NIN: variants seen among roughly 807,000 people sequenced by gnomAD.
NIN encodes glycogen synthase kinase 3 beta-interacting protein.
NIN carries 137 observed loss-of-function variants against 257.6 expected under a neutral mutation model. The observed-to-expected ratio is 0.53, with a 90% CI of 0.46 to 0.61. The LOEUF (loss-of-function observed/expected upper bound fraction) is 0.61. Among genes scored for constraint, NIN ranks in the 20% least tolerant of loss-of-function variants. NIN has a pLI of 0.00. For missense variants in NIN, 2,439 were observed against 2,501.2 expected (o/e 0.98, Z 0.53); for synonymous variants, 918 against 919.8 (o/e 1.00, Z 0.04).
In NIN at chr14:50,726,077, G is replaced by C. The variant is rs763710888; in HGVS notation, c.6079-11C>G. 1.3e-6 allele frequency: 2 copies of C among 1,598,258 alleles called. No homozygotes were observed. The highest frequency in any genetic ancestry group is 2.2e-5 in the South Asian group (2 of 90,632). On this transcript the variant is annotated splice_polypyrimidine_tract_variant and intron_variant, in intron 29 of 30. Coordinates refer to ENST00000530997, the MANE Select transcript of NIN (RefSeq NM_020921.4). Reference sequence around the variant, plus strand: ...TTGTTCCTGGTTTCCCTGAAGGGAAGAAAAGTATATTATTCGAAAATCATG... The same window carrying C: ...TTGTTCCTGGTTTCCCTGAAGGGAACAAAAGTATATTATTCGAAAATCATG...
intron 2 of NIN, among the ~76,000 whole-genome samples, chr14:50,828,961 T>C (rs1360471526): frequency 4.0e-5 from 6 of 151,774 alleles, no homozygotes; most frequent in Non-Finnish European, 5.9e-5. Flanking sequence ...CCTTGACATT[T>C]TAATGCAGAC....
rs2042043480 is a variant in NIN, at chr14:50,756,738, A to G, written c.4292T>C (p.Leu1431Pro). 6.4e-7 allele frequency: 1 copy of G among 1,551,512 alleles called. No individual in the cohort carries two copies. The highest frequency in any genetic ancestry group is 2.0e-5 in the Admixed American group (1 of 50,982). ...GCCTAGGAGAGTAGTGTTTTCCTCC[A>G]GTATAACTTGATTCTGTACTCTTGG... ...ERPRVQNQVI[L>P]EENTTLLGFQ... The change falls in exon 18 of 31, where the codon CTG becomes CCG. Residue 1431 changes from leucine to proline, a missense_variant. Physicochemically the swap from Leu to Pro is moderately conservative, Grantham distance 98. Transcript: ENST00000530997.
chr14:50,773,144 G>C (rs766137997), intron 7 of NIN, 49 bp from the exon 8 acceptor site: 2 of 1,496,240 alleles, frequency 1.3e-6, no homozygotes, highest in Non-Finnish European at 1.8e-6. Context: ...AAGTATACAA[G>C]GCCCAAAGTA....
At position 50,758,132 on chromosome 14, in the gene NIN, G is replaced by A. The variant is rs750715455; in HGVS notation, c.2898C>T (p.Ser966=). ...CQAGASEQLA[S]QRLERLEMEH... ...CCATTTCTAGTCTTTCCAGCCGCTG[G>A]CTGGCCAGCTGCTCCGAAGCCCCTG... The change falls in exon 18 of 31, where the codon AGC becomes AGT. Residue 966 remains serine (S), a synonymous_variant. Transcript: ENST00000530997. 1.2e-6 allele frequency: 2 copies of A among 1,614,124 alleles called. No homozygotes were observed. The highest frequency in any genetic ancestry group is 2.2e-5 in the East Asian group (1 of 44,880).
intron 12 of NIN, among the ~76,000 whole-genome samples, chr14:50,769,439 A>C (rs751871838): frequency 1.3e-5 from 2 of 151,992 alleles, no homozygotes; most frequent in Non-Finnish European, 2.9e-5. Flanking sequence ...AGGTGGGAGG[A>C]TCACTTGAGG....
chr14:50,821,810 CCCCCAGCA>C, intron 3 of NIN, 56 bp downstream of exon 3: 7 of 1,359,306 alleles, frequency 5.1e-6, no homozygotes, highest in Non-Finnish European at 7.2e-6. Context: ...GTCCGCCCCA[CCCCCAGCA>C]CCCCGGCAGA....
At chr14:50,748,949 A>G (rs1169214788) in intron 21 of NIN, among the ~76,000 whole-genome samples, 1 of 152,206 alleles carries the variant, frequency 6.6e-6, no homozygotes, top group Admixed American at 6.5e-5. Flanking sequence ...TCACAGAATT[A>G]GAAAAAACTA....
intron 17 of NIN, among the ~76,000 whole-genome samples, chr14:50,759,522 C>G (rs1390544177): frequency 6.7e-6 from 1 of 148,646 alleles, no homozygotes; most frequent in Non-Finnish European, 1.5e-5. Flanking sequence ...GAGACGGAGT[C>G]TCGCTCTGTC....
At chr14:50,819,992 T>C (rs2045122871) in intron 3 of NIN, among the ~76,000 whole-genome samples, 1 of 152,216 alleles carries the variant, frequency 6.6e-6, no homozygotes, top group Non-Finnish European at 1.5e-5. Flanking sequence ...TAGAGTATCT[T>C]AATAGCATAT....
Position 50,719,944 on chromosome 14 carries a change from CAT to C in NIN, c.*3517_*3518del. On this transcript the variant is annotated 3_prime_UTR_variant, in exon 31 of 31. Transcript: ENST00000530997. ...TCATTAATCTTTATCTGAACAGAAA[CAT>C]AGAGATGGCTTTAGATAATCTGTTT... 4.7e-6 allele frequency: 1 copy of C among 213,836 alleles called. No homozygotes were observed. The highest frequency in any genetic ancestry group is 9.5e-6 in the Non-Finnish European group (1 of 105,582). The allele number at this position is 213,836 out of a possible 1,614,324, so 13.2% of individuals were successfully genotyped here. A position where few individuals can be genotyped will look rare whatever the true frequency, so the allele number is the denominator to read the frequency against.
rs561577509 is a variant in NIN, at chr14:50,784,321, C to T, written c.436-5517G>A. Among the ~76,000 whole-genome samples the T allele has an allele frequency of 9.6e-4, 146 of 152,320 alleles. 1 individual carries two copies. Among genetic ancestry groups the T allele is most frequent in the African/African-American group, 3.4e-3 (141 of 41,550 alleles). The stretch of plus-strand genomic sequence containing the variant: ...AAAATGATGTGGTTAGGGGTTTAGA[C>T]TGCAGAACCATACTCGAGTTCAATT... On this transcript the variant is annotated intron_variant, in intron 5 of 30. Transcript: ENST00000530997.
At chr14:50,740,122 C>T (rs948748431) in intron 25 of NIN, among the ~76,000 whole-genome samples, 2 of 145,950 alleles carry the variant, frequency 1.4e-5, no homozygotes, top group African/African-American at 5.0e-5. Context: ...TTAAACCAAA[C>T]ATGAAAAAAA....
intron 2 of NIN, among the ~76,000 whole-genome samples, chr14:50,830,081 A>C (rs916020882): frequency 5.9e-5 from 9 of 152,234 alleles, no homozygotes; most frequent in African/African-American, 2.2e-4. Context: ...CTACTCAGAC[A>C]GCCCAGGCTA....
Position 50,723,558 on chromosome 14 carries a change from T to C in NIN, c.6307A>G (p.Asn2103Asp), listed in dbSNP as rs777084348. The C allele has an allele frequency of 2.4e-5, 39 of 1,613,764 alleles. No individual in the cohort carries two copies. Among genetic ancestry groups the C allele is most frequent in the Non-Finnish European group, 2.7e-5 (32 of 1,179,862 alleles). The change falls in exon 31 of 31, where the codon AAT (asparagine) becomes GAT (aspartate). Residue 2103 changes from asparagine (N) to aspartate (D), a missense_variant. Transcript: ENST00000530997. ...EQRQKTAEKK[N>D]YLLEEKIASL... is the part of the protein sequence containing the mutation. Reference sequence around the variant, plus strand: ...GCAATCTTCTCCTCCAGGAGGTAATTTTTCTTCTCTGCTGTTTTCTGTCGC... The same window carrying C: ...GCAATCTTCTCCTCCAGGAGGTAATCTTTCTTCTCTGCTGTTTTCTGTCGC...
intron 2 of NIN, among the ~76,000 whole-genome samples, chr14:50,826,493 G>A (rs768633923): frequency 2.0e-5 from 3 of 152,144 alleles, no homozygotes; most frequent in South Asian, 4.1e-4. Context: ...AAATGCTGCC[G>A]ACTCTGACAG....
chr14:50,828,156 T>C lies in NIN; in HGVS notation c.-22+2308A>G, dbSNP rs115135946. ...AACAACTTCCACTTCTTAAGCCATA[T>C]TGACTCACATTAATTTAGGATGCCT... On this transcript the variant is annotated intron_variant, in intron 2 of 30. Coordinates refer to ENST00000530997, the MANE Select transcript of NIN (RefSeq NM_020921.4). 7.4e-3 allele frequency among the ~76,000 whole-genome samples: 1,120 copies of C among 152,118 alleles called. 23 individuals carry two copies. The highest frequency in any genetic ancestry group is 0.026 in the African/African-American group (1,090 of 41,480).
chr14:50,772,592 G>A (rs2042779445), intron 8 of NIN, 124 bp from the exon 9 acceptor site: 1 of 817,142 alleles, frequency 1.2e-6, no homozygotes, highest in South Asian at 1.7e-5. Context: ...CAGGAAAAAA[G>A]TCATGCAGCC....
intron 4 of NIN, chr14:50,806,481 A>C (rs1485427794): frequency 1.7e-4 from 2 of 11,824 alleles, no homozygotes; most frequent in Non-Finnish European, 3.5e-4. Flanking sequence ...ACTCATTCCA[A>C]GAATGAGTTA....
At chr14:50,738,328 C>A in intron 26 of NIN, 42 bp from the exon 27 acceptor site, 1 of 1,578,106 alleles carries the variant, frequency 6.3e-7, no homozygotes, top group South Asian at 1.1e-5. Context: ...CTAATACAAT[C>A]ACCCAGCCAG....
Sources: gnomAD v4.1 joint callset for allele counts (sites outside exome capture counted in the v4.1 genomes callset) on GRCh38, gnomAD v4.1.1 for gene constraint, MANE v1.5 for transcripts, NCBI Gene and HGNC (gene_info 2026-07-23, HGNC 2026-07-21) for gene names.